Variants in DIAPH3 observed in about 807,000 individuals in gnomAD.
DIAPH3 encodes the protein protein diaphanous homolog 3.
Under a neutral mutation model 144.3 loss-of-function variants are expected in DIAPH3, and 117 were observed. The observed-to-expected ratio is 0.81, with a 90% CI of 0.70 to 0.95. The LOEUF (loss-of-function observed/expected upper bound fraction) is 0.95. Among genes scored for constraint, DIAPH3 ranks in the 40% least tolerant of loss-of-function variants. The pLI, the probability that DIAPH3 is intolerant of heterozygous loss-of-function variation, is 0.00. For synonymous variants in DIAPH3, 519 were observed against 488.9 expected, an observed-to-expected ratio of 1.06 and a Z score of -0.81; for missense variants, 1,421 against 1,412.7, an observed-to-expected ratio of 1.01 and a Z score of -0.09.
rs189372147 is a variant in DIAPH3 at position 59,840,718 on chromosome 13, A to T, written c.2738-1270T>A. Among the ~76,000 whole-genome samples, 19 of 152,228 alleles carry T rather than the reference A, an allele frequency of 1.2e-4. No individual in the cohort carries two copies. The East Asian group carries it at 3.7e-3, about 29-fold the overall frequency. On this transcript the variant is annotated intron_variant, in intron 22 of 27. Transcript: ENST00000400324. ...TTGAACTCTTCCGAGAACCACATAT[A>T]ATACTTGTTTGTGCTTGAAGAGTGA...
At chr13:59,786,886 A>G (rs1430242127) in intron 25 of DIAPH3, among the ~76,000 whole-genome samples, 1 of 152,104 alleles carries the variant, frequency 6.6e-6, no homozygotes, top group Non-Finnish European at 1.5e-5. Flanking sequence ...AGGCAGGAGG[A>G]TCACTTGAAC....
At chr13:59,818,508 T>C (rs1157965842) in intron 24 of DIAPH3, among the ~76,000 whole-genome samples, 1 of 151,908 alleles carries the variant, frequency 6.6e-6, no homozygotes, top group Non-Finnish European at 1.5e-5. Flanking sequence ...TTTAGTGTTC[T>C]GCAGCTTCAT....
At chr13:60,150,709 G>C (rs1311708937) in intron 1 of DIAPH3, among the ~76,000 whole-genome samples, 1 of 152,228 alleles carries the variant, frequency 6.6e-6, no homozygotes, top group African/African-American at 2.4e-5. Flanking sequence ...GTTTCCACCA[G>C]GATGCAGGAA....
At chr13:60,116,263 G>A (rs1206401160) in intron 2 of DIAPH3, among the ~76,000 whole-genome samples, 1 of 151,948 alleles carries the variant, frequency 6.6e-6, no homozygotes, top group East Asian at 1.9e-4. Context: ...AAATGTAGGA[G>A]GTATGTGAAA....
rs368173151 is a variant in DIAPH3 at position 59,833,244 on chromosome 13, A to G, written c.2890T>C (p.Tyr964His). ...TCGTGTAACTTCGAAAGTGTCTCAT[A>G]TTGTTCTTTTGCACTGATAACAAAT... ...SRFVISAKEQ[Y>H]ETLSKLHENM... Residue 964 changes from tyrosine (Y) to histidine (H), a missense_variant, in exon 24 of 28, where the codon TAT becomes CAT. By Grantham distance (83) the Tyr-to-His change is moderately conservative. Transcript: ENST00000400324. 3.1e-5 allele frequency: 50 copies of G among 1,609,088 alleles called. No individual in the cohort carries two copies. Among genetic ancestry groups the G allele is most frequent in the Non-Finnish European group, 4.2e-5 (50 of 1,177,076 alleles).
intron 22 of DIAPH3, among the ~76,000 whole-genome samples, chr13:59,846,556 G>C (rs929979923): frequency 1.3e-5 from 2 of 152,058 alleles, no homozygotes; most frequent in African/African-American, 4.8e-5. Flanking sequence ...TTTTATAAAT[G>C]CAAGTTAAAA....
intron 21 of DIAPH3, among the ~76,000 whole-genome samples, chr13:59,868,708 C>T (rs2139984653): frequency 6.6e-6 from 1 of 152,208 alleles, no homozygotes; most frequent in South Asian, 2.1e-4. Context: ...CTGTGTCTCA[C>T]CTATTCATTC....
intron 4 of DIAPH3, among the ~76,000 whole-genome samples, chr13:60,047,871 G>A (rs1165416254): frequency 6.6e-6 from 1 of 152,162 alleles, no homozygotes; most frequent in African/African-American, 2.4e-5. Flanking sequence ...GTTAAGAACT[G>A]TATAGTGTCT....
intron 27 of DIAPH3, among the ~76,000 whole-genome samples, chr13:59,733,938 A>G (rs974931148): frequency 6.6e-6 from 1 of 152,224 alleles, no homozygotes; most frequent in African/African-American, 2.4e-5. Context: ...TAGTATGGAA[A>G]CCAGCTTGTC....
In DIAPH3 at chr13:59,911,835, T is replaced by C. The variant is rs770994435; in HGVS notation, c.2267A>G (p.Asn756Ser). The C allele has an allele frequency of 1.9e-6, 3 of 1,603,316 alleles. No individual in the cohort carries two copies. The South Asian group carries it at 3.3e-5, about 18-fold the overall frequency. ...TTGATCAGGAAGATGCTTTATTAAGTTCTAAAAATTAAAACCAGAAAGAAA... is the reference window on the plus strand; with the variant it reads ...TTGATCAGGAAGATGCTTTATTAAGCTCTAAAAATTAAAACCAGAAAGAAA... ...ETRLAESMIQ[N>S]LIKHLPDQEQ... Residue 756 changes from asparagine to serine, a missense_variant and splice_region_variant, in exon 20 of 28, where the codon AAC (asparagine) becomes AGC (serine). Coordinates refer to ENST00000400324, the MANE Select transcript of DIAPH3 (RefSeq NM_001042517.2).
intron 27 of DIAPH3, among the ~76,000 whole-genome samples, chr13:59,722,681 G>C (rs1043524088): frequency 6.6e-6 from 1 of 152,170 alleles, no homozygotes. Flanking sequence ...GCACTGCAAG[G>C]TTCTGTGTCT....
chr13:59,865,556 C>A (rs2043867642), intron 21 of DIAPH3, among the ~76,000 whole-genome samples: 2 of 151,976 alleles, frequency 1.3e-5, no homozygotes. Context: ...CACCGTTAAA[C>A]AGAATTTCCT....
intron 25 of DIAPH3, among the ~76,000 whole-genome samples, chr13:59,787,706 C>T (rs1348834108): frequency 6.6e-6 from 1 of 152,138 alleles, no homozygotes; most frequent in African/African-American, 2.4e-5. Context: ...AAGAAATGGG[C>T]AATTGCTATT....
intron 24 of DIAPH3, among the ~76,000 whole-genome samples, chr13:59,824,429 G>A (rs1593560951): frequency 6.6e-6 from 1 of 152,258 alleles, no homozygotes; most frequent in African/African-American, 2.4e-5. Flanking sequence ...TCTGATGCCA[G>A]AACTTGCATC....
chr13:59,925,631 T>C (rs969459322), intron 17 of DIAPH3, among the ~76,000 whole-genome samples: 1 of 152,152 alleles, frequency 6.6e-6, no homozygotes, highest in Admixed American at 6.6e-5. Flanking sequence ...GGAATTGGTG[T>C]TAGTTCTTCC....
chr13:59,760,954 T>C (rs1183358585), intron 27 of DIAPH3, among the ~76,000 whole-genome samples: 3 of 152,206 alleles, frequency 2.0e-5, no homozygotes, highest in Non-Finnish European at 4.4e-5. Flanking sequence ...ATGATCATTA[T>C]CATTTATTCT....
chr13:59,773,187 C>A (rs2038215232), intron 27 of DIAPH3, among the ~76,000 whole-genome samples: 1 of 152,128 alleles, frequency 6.6e-6, no homozygotes. Context: ...TAAGAGACTG[C>A]AGTATATTTT....
intron 27 of DIAPH3, among the ~76,000 whole-genome samples, chr13:59,719,944 C>G (rs1173807911): frequency 6.6e-6 from 1 of 152,128 alleles, no homozygotes; most frequent in Non-Finnish European, 1.5e-5. Context: ...CTCCTATGCA[C>G]TTGAACTTAA....
intron 27 of DIAPH3, among the ~76,000 whole-genome samples, chr13:59,726,438 G>T (rs1349469685): frequency 2.6e-5 from 4 of 152,126 alleles, no homozygotes; most frequent in African/African-American, 4.8e-5. Context: ...CAATGGCTAG[G>T]TCTATTTGCC....
Sources: allele counts gnomAD v4.1 joint callset (sites outside exome capture counted in the v4.1 genomes callset), GRCh38; gene constraint gnomAD v4.1.1; transcripts MANE v1.5; gene names NCBI Gene and HGNC (gene_info 2026-07-23, HGNC 2026-07-21).